HDAC9: variants seen among roughly 807,000 people sequenced by gnomAD.
HDAC9 encodes the protein MEF-2 interacting transcription repressor (MITR) protein.
A neutral mutation model predicts 139.4 loss-of-function variants in HDAC9; 41 were observed. That is an observed-to-expected ratio of 0.29 (90% CI 0.23 to 0.38). HDAC9 has a LOEUF of 0.38. Among genes scored for constraint, HDAC9 ranks in the 10% least tolerant of loss-of-function variants. HDAC9 has a pLI of 1.00. For synonymous variants in HDAC9, 517 were observed against 476.2 expected, an observed-to-expected ratio of 1.09 and a Z score of -1.12; for missense variants, 1,147 against 1,297.0, an observed-to-expected ratio of 0.88 and a Z score of 1.78.
chr7:18,772,517 A>C (rs1381998478), intron 16 of HDAC9, among the ~76,000 whole-genome samples: 2 of 152,078 alleles, frequency 1.3e-5, no homozygotes, highest in Non-Finnish European at 2.9e-5. Context: ...TGCAGTAATC[A>C]GGGTAATGTT....
chr7:18,198,405 C>G (rs1790872545), intron 2 of HDAC9, among the ~76,000 whole-genome samples: 2 of 152,086 alleles, frequency 1.3e-5, no homozygotes, highest in Non-Finnish European at 2.9e-5. Flanking sequence ...AATCTTCCAA[C>G]TGTAAAATCT....
At chr7:18,811,896 G>A (rs1021976866) in intron 17 of HDAC9, among the ~76,000 whole-genome samples, 8 of 151,428 alleles carry the variant, frequency 5.3e-5, no homozygotes, top group Non-Finnish European at 1.0e-4. Flanking sequence ...GACAAAATAT[G>A]TACATATTCA....
chr7:18,547,092 TA>T (rs1430941535), intron 2 of HDAC9, among the ~76,000 whole-genome samples: 5 of 152,224 alleles, frequency 3.3e-5, no homozygotes, highest in African/African-American at 1.2e-4. Context: ...ATACTTTAAT[TA>T]AAAATTACTT....
intron 1 of HDAC9, among the ~76,000 whole-genome samples, chr7:18,310,331 G>A (rs1303315757): frequency 1.3e-5 from 2 of 152,128 alleles, no homozygotes; most frequent in African/African-American, 4.8e-5. Flanking sequence ...TTTGGAGGAC[G>A]ATATACCATG....
chr7:18,224,710 C>T lies in HDAC9; in HGVS notation c.25+62361C>T, dbSNP rs113689013. Among the ~76,000 whole-genome samples, 119 of 152,010 alleles carry T rather than the reference C, an allele frequency of 7.8e-4. 1 individual carries two copies. The highest frequency in any genetic ancestry group is 2.7e-3 in the African/African-American group (110 of 41,448). ...AGAAAGGAGGCCTTTCTTTACAAAG[C>T]GTGACCAAAGATTGTAGAATTCGAA... On this transcript the variant is annotated intron_variant, in intron 2 of 12. Coordinates refer to the HDAC9 transcript ENST00000417496.
chr7:18,386,290 T>A (rs1661404771), intron 1 of HDAC9, among the ~76,000 whole-genome samples: 1 of 152,236 alleles, frequency 6.6e-6, no homozygotes, highest in Admixed American at 6.5e-5. Context: ...ATGTGCAGTT[T>A]TCTCACTTCT....
At chr7:18,342,236 G>T (rs1013385143) in intron 1 of HDAC9, among the ~76,000 whole-genome samples, 2 of 151,766 alleles carry the variant, frequency 1.3e-5, no homozygotes. Flanking sequence ...ACGCTTTGGT[G>T]TTGTCAGACT....
Position 18,641,695 on chromosome 7 carries a change from ACTT to A in HDAC9, c.913-2969_913-2967del, listed in dbSNP as rs550052993. Among the ~76,000 whole-genome samples the A allele has an allele frequency of 1.9e-3, 286 of 152,232 alleles. 1 individual carries two copies. The highest frequency in any genetic ancestry group is 3.4e-3 in the Non-Finnish European group (232 of 67,990). On this transcript the variant is annotated intron_variant, in intron 8 of 25. Transcript: ENST00000686413. ...ATTTAAGGGCTGGGCCAGATTCAAA[ACTT>A]CTTCTTGGAAAAATCTTGGCTTTGT... is the stretch of plus-strand genomic sequence containing the variant.
intron 1 of HDAC9, among the ~76,000 whole-genome samples, chr7:18,303,240 C>T (rs1415781290): frequency 6.6e-6 from 1 of 151,178 alleles, no homozygotes; most frequent in African/African-American, 2.4e-5. Flanking sequence ...TTTTTTGAGA[C>T]GGAGTCTTGC....
upstream of HDAC9, among the ~76,000 whole-genome samples, chr7:18,491,157 A>G: frequency 6.6e-6 from 1 of 151,946 alleles, no homozygotes; most frequent in East Asian, 1.9e-4. Context: ...GAACTCCATA[A>G]TCTCAAGTGT....
chr7:18,458,791 A>C, intron 1 of HDAC9: 2 of 1,282,190 alleles, frequency 1.6e-6, no homozygotes, highest in East Asian at 2.5e-5. Flanking sequence ...TGTCACTCCA[A>C]CTCCCATGGA....
At chr7:18,241,903 C>G (rs1794211247) in intron 2 of HDAC9, among the ~76,000 whole-genome samples, 2 of 152,154 alleles carry the variant, frequency 1.3e-5, no homozygotes, top group African/African-American at 4.8e-5. Context: ...TAAGATAGAG[C>G]CTAGGTCTGT....
At chr7:18,574,177 A>G (rs1825237757) in intron 2 of HDAC9, among the ~76,000 whole-genome samples, 1 of 152,202 alleles carries the variant, frequency 6.6e-6, no homozygotes, top group Admixed American at 6.5e-5. Flanking sequence ...GGAGACCCAC[A>G]GTGGTTAGCT....
At chr7:18,412,293 A>G (rs1788640357) in intron 1 of HDAC9, among the ~76,000 whole-genome samples, 1 of 152,164 alleles carries the variant, frequency 6.6e-6, no homozygotes, top group Admixed American at 6.5e-5. Flanking sequence ...TTTATTTTCT[A>G]GCCAGAGTAG....
At chr7:18,781,243 G>A (rs1481397998) in intron 16 of HDAC9, among the ~76,000 whole-genome samples, 1 of 151,966 alleles carries the variant, frequency 6.6e-6, no homozygotes, top group African/African-American at 2.4e-5. Context: ...GTCCCATTGG[G>A]CTTAGGACTT....
intron 1 of HDAC9, among the ~76,000 whole-genome samples, chr7:18,470,021 GAC>G (rs1794603702): frequency 6.6e-6 from 1 of 152,090 alleles, no homozygotes; most frequent in Non-Finnish European, 1.5e-5. Context: ...TAGTTTCTAA[GAC>G]AAGTATATAT....
At chr7:18,343,084 C>T (rs900254461) in intron 1 of HDAC9, among the ~76,000 whole-genome samples, 3 of 151,684 alleles carry the variant, frequency 2.0e-5, no homozygotes, top group South Asian at 2.1e-4. Flanking sequence ...TGGATCCTCT[C>T]GGTACCCTCC....
chr7:18,748,828 A>C (rs1424690900), intron 13 of HDAC9, among the ~76,000 whole-genome samples, 177 bp from the exon 14 acceptor site: 1 of 152,200 alleles, frequency 6.6e-6, no homozygotes, highest in Non-Finnish European at 1.5e-5. Context: ...AAATATCCAG[A>C]TAGACAGGTC....
At chr7:18,949,524 C>A in intron 23 of HDAC9, 1 of 215,726 alleles carries the variant, frequency 4.6e-6, no homozygotes, top group South Asian at 8.0e-5. Context: ...CAGACATTTT[C>A]AAAGTTGCCA....
Sources: gnomAD v4.1 joint callset for allele counts (sites outside exome capture counted in the v4.1 genomes callset) on GRCh38, gnomAD v4.1.1 for gene constraint, MANE v1.5 for transcripts, NCBI Gene and HGNC (gene_info 2026-07-23, HGNC 2026-07-21) for gene names.